Variants in PSMD1 observed in about 807,000 individuals in gnomAD.
PSMD1 encodes 26S proteasome non-ATPase regulatory subunit 1.
In PSMD1, 18 loss-of-function variants were observed where a neutral mutation model predicts 119.0. The ratio of observed to expected loss-of-function variants is 0.15; its 90% CI spans 0.10 to 0.22. The LOEUF (loss-of-function observed/expected upper bound fraction) is 0.22, where lower values mean the gene tolerates loss of function less well. PSMD1 is among the 10% of genes least tolerant of loss of function. The pLI is 1.00. For missense variants in PSMD1, 702 were observed against 1,158.5 expected (o/e 0.61, Z 5.72); for synonymous variants, 374 against 396.6 (o/e 0.94, Z 0.68).
Position 231,103,367 on chromosome 2 carries a change from A to G in PSMD1, c.1883+16186A>G, listed in dbSNP as rs143129135. Among the ~76,000 whole-genome samples, 598 of 152,280 alleles carry G rather than the reference A, an allele frequency of 3.9e-3. 2 individuals carry two copies. Among genetic ancestry groups the G allele is most frequent in the African/African-American group, 0.014 (585 of 41,552 alleles). ...ATCCTTATGACATAATATTTACCCA[A>G]GTCTACTAGTCTGGCACCTCTAAAC... is the stretch of plus-strand genomic sequence containing the variant. On this transcript the variant is annotated intron_variant, in intron 16 of 24. Transcript: ENST00000308696.
intron 4 of PSMD1, 30 bp downstream of exon 4, chr2:231,062,705 T>G (rs765801743): frequency 6.7e-7 from 1 of 1,491,012 alleles, no homozygotes; most frequent in Non-Finnish European, 9.0e-7. Flanking sequence ...TAAGGCTTTA[T>G]CTTGTCGGCT....
intron 15 of PSMD1, among the ~76,000 whole-genome samples, chr2:231,086,527 C>G (rs1049590525): frequency 6.6e-6 from 1 of 152,154 alleles, no homozygotes; most frequent in Non-Finnish European, 1.5e-5. Context: ...CATGGTGGCA[C>G]ACGCCTGTAG....
intron 16 of PSMD1, among the ~76,000 whole-genome samples, chr2:231,103,186 A>T (rs1694909149): frequency 6.6e-6 from 1 of 152,210 alleles, no homozygotes; most frequent in Admixed American, 6.5e-5. Context: ...AATGTTGAAT[A>T]AAACAGAACA....
chr2:231,165,788 T>A (rs1696765252), intron 22 of PSMD1, 83 bp from the exon 23 acceptor site: 1 of 1,223,970 alleles, frequency 8.2e-7, no homozygotes, highest in East Asian at 2.5e-5. Flanking sequence ...ACCTTATAGC[T>A]GCTCAGTCAA....
intron 16 of PSMD1, among the ~76,000 whole-genome samples, chr2:231,104,969 T>G (rs972015094): frequency 1.3e-5 from 2 of 152,198 alleles, no homozygotes; most frequent in Non-Finnish European, 2.9e-5. Flanking sequence ...TACCATGTTT[T>G]AAGAGTTTAT....
chr2:231,165,082 A>G (rs560508708), intron 21 of PSMD1, 118 bp from the exon 22 acceptor site: 1,604 of 98,064 alleles, frequency 0.016, 30 homozygotes, highest in Non-Finnish European at 0.022. Context: ...ATATATATAT[A>G]TATATATATG....
intron 16 of PSMD1, among the ~76,000 whole-genome samples, chr2:231,113,041 G>A (rs747348350): frequency 3.0e-4 from 45 of 152,044 alleles, no homozygotes; most frequent in Non-Finnish European, 1.0e-4. Flanking sequence ...GGGTGTGTCT[G>A]TAGTCCCAGC....
chr2:231,141,968 C>T (rs1307888215), intron 17 of PSMD1, among the ~76,000 whole-genome samples: 1 of 152,078 alleles, frequency 6.6e-6, no homozygotes, highest in Non-Finnish European at 1.5e-5. Context: ...CTGCAACCTC[C>T]GCCTCCTGGG....
At chr2:231,126,554 T>C (rs942643607) in intron 16 of PSMD1, among the ~76,000 whole-genome samples, 2 of 152,212 alleles carry the variant, frequency 1.3e-5, no homozygotes, top group African/African-American at 4.8e-5. Flanking sequence ...ACAAGTAATG[T>C]CAGATTGAAA....
chr2:231,144,588 A>G (rs1403751439), intron 17 of PSMD1, among the ~76,000 whole-genome samples: 1 of 150,734 alleles, frequency 6.6e-6, no homozygotes, highest in African/African-American at 2.4e-5. Flanking sequence ...TAATTTTTGT[A>G]TTTTTAGTAG....
intron 12 of PSMD1, among the ~76,000 whole-genome samples, chr2:231,081,448 A>G (rs113442501): frequency 2.0e-5 from 3 of 152,388 alleles, no homozygotes; most frequent in African/African-American, 7.2e-5. Flanking sequence ...TTAAAGAGCC[A>G]GAGCAACACC....
chr2:231,165,644 G>A (rs1188279616), intron 22 of PSMD1, among the ~76,000 whole-genome samples: 1 of 152,092 alleles, frequency 6.6e-6, no homozygotes, highest in Non-Finnish European at 1.5e-5. Context: ...GATCTCTGCT[G>A]GTAGAAAAAC....
intron 5 of PSMD1, among the ~76,000 whole-genome samples, chr2:231,068,312 T>C (rs1693955531): frequency 6.6e-6 from 1 of 152,246 alleles, no homozygotes; most frequent in Non-Finnish European, 1.5e-5. Flanking sequence ...TAATGTGATA[T>C]AATGGCCCTT....
At chr2:231,127,993 C>T (rs1695765818) in intron 16 of PSMD1, among the ~76,000 whole-genome samples, 1 of 152,182 alleles carries the variant, frequency 6.6e-6, no homozygotes, top group Admixed American at 6.5e-5. Context: ...ATTGAATTTT[C>T]TCCCTGATGT....
At chr2:231,102,970 G>A (rs765241236) in intron 16 of PSMD1, among the ~76,000 whole-genome samples, 4 of 152,190 alleles carry the variant, frequency 2.6e-5, no homozygotes, top group South Asian at 2.1e-4. Context: ...TGAGTCATAC[G>A]TCTTATGTCC....
intron 16 of PSMD1, chr2:231,123,521 C>T (rs983430825): frequency 1.2e-6 from 2 of 1,613,812 alleles, no homozygotes; most frequent in Non-Finnish European, 8.5e-7. Context: ...AGCTTCTTCT[C>T]CAGTGAAACA....
At chr2:231,112,369 G>A (rs557186259) in intron 16 of PSMD1, among the ~76,000 whole-genome samples, 2 of 152,320 alleles carry the variant, frequency 1.3e-5, no homozygotes, top group South Asian at 4.1e-4. Context: ...TTTTCTCACT[G>A]TTTTTAAATC....
At chr2:231,128,293 A>G (rs2125239273) in intron 16 of PSMD1, among the ~76,000 whole-genome samples, 1 of 152,340 alleles carries the variant, frequency 6.6e-6, no homozygotes, top group African/African-American at 2.4e-5. Context: ...GGAGGATGCA[A>G]ACAAGTATAT....
intron 16 of PSMD1, chr2:231,123,929 G>T (rs186576022): frequency 1.5e-6 from 1 of 669,046 alleles, no homozygotes; most frequent in Non-Finnish European, 2.7e-6. Context: ...TAAAATGAGC[G>T]CATACACACA....
Sources: allele counts gnomAD v4.1 joint callset (sites outside exome capture counted in the v4.1 genomes callset), GRCh38; gene constraint gnomAD v4.1.1; transcripts MANE v1.5; gene names NCBI Gene and HGNC (gene_info 2026-07-23, HGNC 2026-07-21).